COL14A1: variants seen among roughly 807,000 people sequenced by gnomAD.
The protein encoded by COL14A1 is collagen type XIV alpha 1 chain.
A neutral mutation model predicts 230.3 loss-of-function variants in COL14A1; 136 were observed. The ratio of observed to expected loss-of-function variants is 0.59; its 90% CI spans 0.51 to 0.68. The LOEUF (loss-of-function observed/expected upper bound fraction) is 0.68, where lower values mean the gene tolerates loss of function less well. COL14A1 is among the 30% of genes least tolerant of loss of function. The probability of loss-of-function intolerance (pLI) is 0.00; values close to 1 mark genes in which losing one functional copy is unlikely to be tolerated. For missense variants in COL14A1, 1,976 were observed against 2,215.8 expected (o/e 0.89, Z 2.17); for synonymous variants, 792 against 784.1 (o/e 1.01, Z -0.17).
chr8:120,212,986 G>T (rs189228160), intron 13 of COL14A1, among the ~76,000 whole-genome samples: 30 of 152,272 alleles, frequency 2.0e-4, no homozygotes, highest in African/African-American at 7.0e-4. Context: ...GCAGCATGTG[G>T]TTGGTATAAG....
intron 33 of COL14A1, among the ~76,000 whole-genome samples, chr8:120,286,553 A>G (rs893927748): frequency 4.6e-5 from 7 of 152,146 alleles, no homozygotes; most frequent in African/African-American, 1.2e-4. Flanking sequence ...TCTGTTGCCC[A>G]GGCTGGAGTG....
intron 14 of COL14A1, among the ~76,000 whole-genome samples, chr8:120,224,434 C>T (rs1327347613): frequency 3.3e-5 from 5 of 152,142 alleles, no homozygotes; most frequent in Non-Finnish European, 7.4e-5. Context: ...GTGTTGCTCC[C>T]GTGAAGCCCA....
chr8:120,243,446 G>C (rs953402334), intron 19 of COL14A1, among the ~76,000 whole-genome samples: 2 of 152,190 alleles, frequency 1.3e-5, no homozygotes, highest in Non-Finnish European at 2.9e-5. Context: ...GCTGGGGTCT[G>C]ATTATCTCTG....
chr8:120,249,447 T>G (rs1818872162), intron 21 of COL14A1, among the ~76,000 whole-genome samples: 2 of 152,158 alleles, frequency 1.3e-5, no homozygotes, highest in African/African-American at 4.8e-5. Flanking sequence ...CCATCACCAA[T>G]GTTTTTGTCT....
At chr8:120,193,001 G>A (rs1586753311) in intron 5 of COL14A1, among the ~76,000 whole-genome samples, 1 of 152,042 alleles carries the variant, frequency 6.6e-6, no homozygotes, top group African/African-American at 2.4e-5. Context: ...ATTTCCTCCT[G>A]TAGCTCGGAG....
chr8:120,298,089 A>G (rs536610908), intron 35 of COL14A1, among the ~76,000 whole-genome samples: 2 of 152,104 alleles, frequency 1.3e-5, no homozygotes, highest in South Asian at 4.1e-4. Flanking sequence ...AGCATTTCTC[A>G]TATCTTGGGA....
chr8:120,139,329 C>A (rs1814818511), intron 1 of COL14A1, among the ~76,000 whole-genome samples: 1 of 152,092 alleles, frequency 6.6e-6, no homozygotes, highest in African/African-American at 2.4e-5. Context: ...CTTTTTTAAG[C>A]CTATGAATTA....
intron 4 of COL14A1, among the ~76,000 whole-genome samples, chr8:120,166,925 G>GT (rs1419691236): frequency 2.3e-4 from 24 of 104,662 alleles, no homozygotes; most frequent in African/African-American, 6.4e-4. Flanking sequence ...TGTGTGTGGT[G>GT]GTGATGATGG....
At chr8:120,244,654 G>C (rs1818709688) in intron 20 of COL14A1, among the ~76,000 whole-genome samples, 8 of 152,074 alleles carry the variant, frequency 5.3e-5, no homozygotes, top group Admixed American at 4.6e-4. Flanking sequence ...TTCCATTTCT[G>C]AGTTACTTCA....
At chr8:120,282,913 A>C (rs1820080574) in intron 31 of COL14A1, among the ~76,000 whole-genome samples, 1 of 152,088 alleles carries the variant, frequency 6.6e-6, no homozygotes, top group Admixed American at 6.6e-5. Context: ...TCTCAGTAAA[A>C]GCCTCCACCC....
At chr8:120,357,097 C>T (rs1823014703) in intron 45 of COL14A1, among the ~76,000 whole-genome samples, 1 of 152,160 alleles carries the variant, frequency 6.6e-6, no homozygotes, top group African/African-American at 2.4e-5. Flanking sequence ...TACTTTAAAA[C>T]TTAGTGGCTT....
At chr8:120,307,479 A>G (rs959947407) in intron 36 of COL14A1, among the ~76,000 whole-genome samples, 3 of 152,220 alleles carry the variant, frequency 2.0e-5, no homozygotes, top group Non-Finnish European at 2.9e-5. Flanking sequence ...TGTTCACACA[A>G]CGACAAAATT....
At chr8:120,138,576 A>G (rs1012406442) in intron 1 of COL14A1, among the ~76,000 whole-genome samples, 2 of 152,182 alleles carry the variant, frequency 1.3e-5, no homozygotes, top group Non-Finnish European at 2.9e-5. Flanking sequence ...CACCAAACTA[A>G]TAGGAACTAA....
At chr8:120,166,633 G>A (rs1354853157) in intron 4 of COL14A1, among the ~76,000 whole-genome samples, 2 of 152,162 alleles carry the variant, frequency 1.3e-5, no homozygotes, top group African/African-American at 4.8e-5. Flanking sequence ...TGGGGTGACA[G>A]CCCATGTGTG....
chr8:120,285,770 C>T (rs528250345), intron 32 of COL14A1, 91 bp from the exon 33 acceptor site: 6 of 772,178 alleles, frequency 7.8e-6, no homozygotes, highest in East Asian at 5.4e-5. Context: ...TCAAAACAAT[C>T]GATGCATTGT....
intron 1 of COL14A1, among the ~76,000 whole-genome samples, chr8:120,133,202 C>T (rs535676610): frequency 8.9e-4 from 129 of 144,154 alleles, no homozygotes; most frequent in East Asian, 1.0e-3. Flanking sequence ...GGCGACAGAG[C>T]GAAACTCCGT....
At chr8:120,252,982 A>G (rs1319309095) in intron 22 of COL14A1, among the ~76,000 whole-genome samples, 3 of 152,216 alleles carry the variant, frequency 2.0e-5, no homozygotes, top group African/African-American at 2.4e-5. Flanking sequence ...TCCATCTTCA[A>G]CAGGCCTAGG....
chr8:120,140,334 CT>C lies in COL14A1; in HGVS notation c.-37-7461del, dbSNP rs375645434. ...ACCTAAGGTTCACTTTTCAATTCAT[CT>C]TTTTTTTTTTCAATTAACTTTAAGT... On this transcript the variant is annotated intron_variant, in intron 1 of 47. Transcript: ENST00000297848. Among the ~76,000 whole-genome samples, 973 of 146,122 alleles carry C rather than the reference CT, an allele frequency of 6.7e-3. 7 individuals are homozygous for C. Among genetic ancestry groups the C allele is most frequent in the Non-Finnish European group, 9.7e-3 (643 of 66,108 alleles).
intron 1 of COL14A1, among the ~76,000 whole-genome samples, chr8:120,138,696 T>G (rs1814792415): frequency 6.6e-6 from 1 of 152,166 alleles, no homozygotes; most frequent in African/African-American, 2.4e-5. Flanking sequence ...GTAGATCTCG[T>G]TAGCTAATCT....
Sources: allele counts gnomAD v4.1 joint callset (sites outside exome capture counted in the v4.1 genomes callset), GRCh38; gene constraint gnomAD v4.1.1; transcripts MANE v1.5; gene names NCBI Gene and HGNC (gene_info 2026-07-23, HGNC 2026-07-21).